Variants in RASSF8 observed in about 807,000 individuals in gnomAD.
RASSF8 encodes the protein Ras association domain family member 8, also known as ras association domain-containing protein 8.
RASSF8 carries 22 observed loss-of-function variants against 48.5 expected under a neutral mutation model. That is an observed-to-expected ratio of 0.45 (90% confidence interval 0.32 to 0.65). RASSF8 has a LOEUF of 0.65. Ranked by LOEUF, RASSF8 falls within the 30% of genes least tolerant of loss-of-function variation. The probability of loss-of-function intolerance (pLI) is 0.03; values close to 1 mark genes in which losing one functional copy is unlikely to be tolerated. For missense variants in RASSF8, 418 were observed against 489.2 expected, an observed-to-expected ratio of 0.85 and a Z score of 1.37; for synonymous variants, 127 against 171.5, an observed-to-expected ratio of 0.74 and a Z score of 2.03.
chr12:26,025,214 A>G (rs1162858055), intron 2 of RASSF8, among the ~76,000 whole-genome samples: 37 of 152,164 alleles, frequency 2.4e-4, no homozygotes, highest in Admixed American at 2.4e-3. Flanking sequence ...TTTCTATTCA[A>G]CATTGTGATG....
At chr12:26,025,654 A>T (rs1029217428) in intron 2 of RASSF8, among the ~76,000 whole-genome samples, 10 of 152,104 alleles carry the variant, frequency 6.6e-5, no homozygotes, top group Admixed American at 1.3e-4. Flanking sequence ...AAAAATCTTA[A>T]GGAATTCATT....
intron 2 of RASSF8, among the ~76,000 whole-genome samples, chr12:26,022,938 G>C (rs1378192406): frequency 1.3e-5 from 2 of 152,062 alleles, no homozygotes; most frequent in Non-Finnish European, 2.9e-5. Context: ...GTAGAGACGG[G>C]GTTTTTCCAT....
intron 2 of RASSF8, among the ~76,000 whole-genome samples, chr12:26,012,543 C>T (rs1942551513): frequency 6.6e-6 from 1 of 152,090 alleles, no homozygotes; most frequent in African/African-American, 2.4e-5. Context: ...ACTCATGACA[C>T]CTAAACATAA....
At chr12:26,064,385 C>T (rs560967544) in intron 3 of RASSF8, 113 bp from the exon 4 acceptor site, 1 of 1,060,470 alleles carries the variant, frequency 9.4e-7, no homozygotes, top group Non-Finnish European at 1.3e-6. Context: ...TAGACTCAAA[C>T]TTGACCCTCT....
intron 2 of RASSF8, among the ~76,000 whole-genome samples, chr12:26,017,551 C>T (rs1942680257): frequency 6.6e-6 from 1 of 152,212 alleles, no homozygotes; most frequent in African/African-American, 2.4e-5. Flanking sequence ...GAGAAGTCAC[C>T]TTGTTGATGG....
At chr12:26,048,304 A>G (rs1376617814) in intron 2 of RASSF8, among the ~76,000 whole-genome samples, 1 of 152,230 alleles carries the variant, frequency 6.6e-6, no homozygotes, top group Admixed American at 6.5e-5. Context: ...AGAAGCTGAC[A>G]GCTTCTTTAG....
intron 3 of RASSF8, among the ~76,000 whole-genome samples, chr12:26,060,734 T>C (rs2137275726): frequency 6.6e-6 from 1 of 152,300 alleles, no homozygotes; most frequent in Non-Finnish European, 1.5e-5. Flanking sequence ...AAATTTTCAT[T>C]AAAATATTTA....
chr12:26,070,454 G>A lies in RASSF8; in HGVS notation c.*1636G>A, dbSNP rs1943975063. On this transcript the variant is annotated 3_prime_UTR_variant, in exon 6 of 6. Transcript: ENST00000689635. ...AGCTAAGTGGCGGACCTCAACTGAA[G>A]ATATGAGTTTCTTTGGGTTCTTGGA... 2.0e-6 allele frequency: 2 copies of A among 985,362 alleles called. No individual in the cohort carries two copies. The highest frequency in any genetic ancestry group is 2.4e-6 in the Non-Finnish European group (2 of 829,890). The allele number at this position is 985,362 out of a possible 1,614,324, so 61.0% of individuals were successfully genotyped here. A position where few individuals can be genotyped will look rare whatever the true frequency, so the allele number is the denominator to read the frequency against.
At chr12:25,977,264 T>C (rs924984245) in intron 1 of RASSF8, among the ~76,000 whole-genome samples, 2 of 152,338 alleles carry the variant, frequency 1.3e-5, no homozygotes, top group Non-Finnish European at 2.9e-5. Flanking sequence ...CACGTCGTTA[T>C]GGCATCACTG....
At chr12:26,028,080 G>T (rs937562149) in intron 2 of RASSF8, among the ~76,000 whole-genome samples, 2 of 152,204 alleles carry the variant, frequency 1.3e-5, no homozygotes, top group Non-Finnish European at 2.9e-5. Context: ...CATTGGTAAA[G>T]CAGGGGACAG....
intron 1 of RASSF8, among the ~76,000 whole-genome samples, chr12:25,969,337 T>C (rs2136851459): frequency 6.6e-6 from 1 of 152,296 alleles, no homozygotes. Context: ...CTGTGCCTTA[T>C]CGGTAAAATG....
upstream of RASSF8, chr12:25,958,633 C>CGCCCGGCCCGGCCCGGCCCG (rs533183570): frequency 2.1e-5 from 3 of 145,976 alleles, no homozygotes; most frequent in African/African-American, 7.4e-5. Flanking sequence ...GCCGCCTGGC[C>CGCCCGGCCCGGCCCGGCCCG]GCCCGGCCCG....
chr12:26,079,056 C>T lies in RASSF8; in HGVS notation c.1162C>T (p.Gln388Ter). Residue 388 changes from glutamine (Q) to a stop codon, truncating the protein, a stop_gained, in exon 6 of 6, where the codon CAG becomes TAG. Coordinates refer to the RASSF8 transcript ENST00000381352. LOFTEE classifies it high-confidence loss of function. ...AGGGATCATCATTCTTTCTGATAAGCAGGAGTGTAAAGATTAGATATCACA... is the reference window on the plus strand; with the variant it reads ...AGGGATCATCATTCTTTCTGATAAGTAGGAGTGTAAAGATTAGATATCACA... The T allele has an allele frequency of 1.3e-6, 2 of 1,546,334 alleles. No individual in the cohort carries two copies. Among genetic ancestry groups the T allele is most frequent in the Non-Finnish European group, 1.7e-6 (2 of 1,144,944 alleles).
intron 1 of RASSF8, among the ~76,000 whole-genome samples, chr12:25,970,577 G>A (rs1306527611): frequency 9.2e-5 from 14 of 152,112 alleles, no homozygotes; most frequent in Admixed American, 9.2e-4. Context: ...CCATGTTGCC[G>A]GATGAGCTCT....
At chr12:26,059,277 G>C (rs1943687265) in intron 3 of RASSF8, among the ~76,000 whole-genome samples, 1 of 152,174 alleles carries the variant, frequency 6.6e-6, no homozygotes, top group Non-Finnish European at 1.5e-5. Flanking sequence ...GGAGATTGAG[G>C]AAAAGGATTT....
chr12:25,965,290 C>A (rs56228589), intron 1 of RASSF8, among the ~76,000 whole-genome samples: 1 of 151,652 alleles, frequency 6.6e-6, no homozygotes, highest in African/African-American at 2.4e-5. Context: ...CTGCACATAC[C>A]TAACTGTACA....
Position 26,065,395 on chromosome 12 carries a change from C to T in RASSF8, c.993+8C>T. ...GCCACCAAACGCTTACAGGTAGGGA[C>T]ACTTTGATAAATAGAATGTTTGGCC... On this transcript the variant is annotated splice_region_variant and intron_variant, in intron 4 of 5. Coordinates refer to ENST00000689635, the MANE Select transcript of RASSF8 (RefSeq NM_001394098.1). 1 of 1,584,964 alleles carries T rather than the reference C, an allele frequency of 6.3e-7. No individual in the cohort carries two copies. The highest frequency in any genetic ancestry group is 8.6e-7 in the Non-Finnish European group (1 of 1,166,590).
intron 2 of RASSF8, among the ~76,000 whole-genome samples, chr12:26,035,677 A>T (rs2137129815): frequency 6.9e-6 from 1 of 144,564 alleles, no homozygotes; most frequent in Middle Eastern, 3.6e-3. Context: ...TTTTTCTCTT[A>T]CAATAAACAC....
rs539128070 is a variant in RASSF8, at chr12:26,037,044, G to T, written c.-108-18192G>T. On this transcript the variant is annotated intron_variant, in intron 2 of 5. Transcript: ENST00000689635. The stretch of plus-strand genomic sequence containing the variant: ...ATCTAATTTTACTATTAACAGTATT[G>T]GTTGGTTGCCTAATAATTTGTTTGA... Among the ~76,000 whole-genome samples, 35 of 152,150 alleles carry T rather than the reference G, an allele frequency of 2.3e-4. No individual in the cohort carries two copies. In the South Asian group the frequency reaches 7.1e-3, roughly 31 times the overall value.
Sources: gnomAD v4.1 joint callset for allele counts (sites outside exome capture counted in the v4.1 genomes callset) on GRCh38, gnomAD v4.1.1 for gene constraint, MANE v1.5 for transcripts, NCBI Gene and HGNC (gene_info 2026-07-23, HGNC 2026-07-21) for gene names.